CSRNP3: variants seen among roughly 807,000 people sequenced by gnomAD.
CSRNP3 encodes the protein cysteine and serine rich nuclear protein 3, also known as cysteine/serine-rich nuclear protein 3.
In CSRNP3, 12 loss-of-function variants were observed where a neutral mutation model predicts 48.0. The observed-to-expected ratio is 0.25, with a 90% CI of 0.16 to 0.41. The LOEUF (loss-of-function observed/expected upper bound fraction) is 0.41, where lower values mean the gene tolerates loss of function less well. Among genes scored for constraint, CSRNP3 ranks in the 10% least tolerant of loss-of-function variants. CSRNP3 has a pLI of 1.00. For synonymous variants in CSRNP3, 263 were observed against 269.7 expected (o/e 0.98, Z 0.24); for missense variants, 580 against 724.4 (o/e 0.80, Z 2.29).
At chr2:165,643,560 T>C (rs1313154823) in intron 4 of CSRNP3, among the ~76,000 whole-genome samples, 5 of 152,202 alleles carry the variant, frequency 3.3e-5, no homozygotes, top group Non-Finnish European at 5.9e-5. Context: ...TTCTTTGTTT[T>C]TGACCCCGGA....
intron 3 of CSRNP3, among the ~76,000 whole-genome samples, chr2:165,522,799 C>T (rs1684680716): frequency 1.3e-5 from 2 of 152,066 alleles, no homozygotes; most frequent in Admixed American, 6.5e-5. Context: ...CACAGCTCTC[C>T]AGCCACTCCT....
intron 3 of CSRNP3, among the ~76,000 whole-genome samples, chr2:165,543,355 G>A (rs1029578567): frequency 3.3e-5 from 5 of 151,770 alleles, no homozygotes; most frequent in Non-Finnish European, 7.4e-5. Flanking sequence ...CATTTAGCTA[G>A]TAAAGACAGA....
In CSRNP3 at chr2:165,682,090, C is replaced by G. The variant is rs1353833594; in HGVS notation, c.*2337C>G. 6.6e-6 allele frequency: 1 copy of G among 151,910 alleles called. No individual in the cohort carries two copies. Among genetic ancestry groups the G allele is most frequent in the African/African-American group, 2.4e-5 (1 of 41,374 alleles). 9.4% of individuals were successfully genotyped at this position (151,910 alleles called of 1,614,324 possible). On this transcript the variant is annotated 3_prime_UTR_variant, in exon 7 of 7. Transcript: ENST00000651982. Reference sequence around the variant, plus strand: ...GTGTGGGAGAGTGGGGAAGAGCCAGCTCCAGCCTGAGCAAAGCTGAAGGGT... The same window carrying G: ...GTGTGGGAGAGTGGGGAAGAGCCAGGTCCAGCCTGAGCAAAGCTGAAGGGT...
At chr2:165,576,145 A>G (rs988895205) in intron 3 of CSRNP3, among the ~76,000 whole-genome samples, 23 of 150,858 alleles carry the variant, frequency 1.5e-4, no homozygotes, top group African/African-American at 5.6e-4. Flanking sequence ...ATATATATAC[A>G]CACACATATG....
At chr2:165,667,348 A>G (rs1687252134) in intron 5 of CSRNP3, among the ~76,000 whole-genome samples, 1 of 152,244 alleles carries the variant, frequency 6.6e-6, no homozygotes, top group Non-Finnish European at 1.5e-5. Flanking sequence ...TAGTAAACTT[A>G]GGCAATAGTC....
chr2:165,585,872 G>T (rs938252045), intron 3 of CSRNP3, among the ~76,000 whole-genome samples: 1 of 152,100 alleles, frequency 6.6e-6, no homozygotes, highest in African/African-American at 2.4e-5. Flanking sequence ...TACAAAATCA[G>T]CAATGCAAAG....
At chr2:165,554,700 C>T (rs550379104) in intron 3 of CSRNP3, among the ~76,000 whole-genome samples, 21 of 152,218 alleles carry the variant, frequency 1.4e-4, no homozygotes, top group Non-Finnish European at 2.6e-4. Context: ...ATCTATTATC[C>T]GGAAGTTTGG....
intron 3 of CSRNP3, among the ~76,000 whole-genome samples, chr2:165,594,433 G>A (rs1179912183): frequency 6.6e-6 from 1 of 152,098 alleles, no homozygotes. Flanking sequence ...TCTACCCATA[G>A]GCCTTTCAAT....
chr2:165,652,022 CATT>C (rs1454058167), intron 4 of CSRNP3, among the ~76,000 whole-genome samples: 2 of 152,060 alleles, frequency 1.3e-5, no homozygotes, highest in Non-Finnish European at 2.9e-5. Flanking sequence ...TGTGTTTATT[CATT>C]TAATTTATAA....
rs1251379505 is a variant in CSRNP3 at position 165,669,147 on chromosome 2, GT to G, written c.409-7164del. ...TTATAATATGCAGTAATCAGTGTCT[GT>G]GAAGTTGAATTAGTTTTTCACATTC... On this transcript the variant is annotated intron_variant, in intron 5 of 6. Coordinates refer to ENST00000651982, the MANE Select transcript of CSRNP3 (RefSeq NM_001172173.2). 2.6e-5 allele frequency among the ~76,000 whole-genome samples: 4 copies of G among 152,154 alleles called. No homozygotes were observed. In the East Asian group the frequency reaches 5.8e-4, roughly 22 times the overall value.
At chr2:165,625,913 C>CA (rs71028496) in intron 4 of CSRNP3, among the ~76,000 whole-genome samples, 46,362 of 122,962 alleles carry the variant, frequency 0.38, 8,515 homozygotes, top group Admixed American at 0.48. Flanking sequence ...AACTCCATCT[C>CA]AAAAAAAAAA....
At chr2:165,675,688 T>C (rs984994646) in intron 5 of CSRNP3, among the ~76,000 whole-genome samples, 2 of 152,062 alleles carry the variant, frequency 1.3e-5, no homozygotes, top group Non-Finnish European at 2.9e-5. Context: ...TTGAGGGCCC[T>C]GCCCTCTGTT....
intron 3 of CSRNP3, among the ~76,000 whole-genome samples, chr2:165,535,259 G>A (rs1684866390): frequency 6.6e-6 from 1 of 150,470 alleles, no homozygotes; most frequent in South Asian, 2.1e-4. Flanking sequence ...AATATTTGGA[G>A]CTTCATGAAA....
At chr2:165,524,559 A>C (rs558007101) in intron 3 of CSRNP3, among the ~76,000 whole-genome samples, 111 of 152,286 alleles carry the variant, frequency 7.3e-4, no homozygotes, top group Middle Eastern at 6.8e-3. Context: ...GCAACAATCA[A>C]ATTACAGAAC....
At chr2:165,504,025 A>G (rs1451809085) in intron 2 of CSRNP3, among the ~76,000 whole-genome samples, 2 of 151,968 alleles carry the variant, frequency 1.3e-5, no homozygotes, top group African/African-American at 4.8e-5. Context: ...TAAAATGAAA[A>G]ATATTCTTCC....
At chr2:165,609,046 G>C (rs1686083451) in intron 4 of CSRNP3, among the ~76,000 whole-genome samples, 1 of 150,798 alleles carries the variant, frequency 6.6e-6, no homozygotes, top group Non-Finnish European at 1.5e-5. Context: ...GGCAGAGCTT[G>C]CAGTGAGCTG....
At chr2:165,618,474 C>T (rs967664529) in intron 4 of CSRNP3, among the ~76,000 whole-genome samples, 4 of 152,184 alleles carry the variant, frequency 2.6e-5, no homozygotes, top group Non-Finnish European at 5.9e-5. Flanking sequence ...ATACAGACTA[C>T]CCAAATAGTA....
chr2:165,489,330 A>G (rs2105455574), intron 1 of CSRNP3, among the ~76,000 whole-genome samples: 1 of 144,134 alleles, frequency 6.9e-6, no homozygotes, highest in East Asian at 2.1e-4. Context: ...AAAAGAGTCC[A>G]GGACCAGATG....
At chr2:165,658,647 A>G (rs1274006241) in intron 5 of CSRNP3, among the ~76,000 whole-genome samples, 8 of 152,208 alleles carry the variant, frequency 5.3e-5, no homozygotes, top group Non-Finnish European at 1.5e-5. Context: ...TAATGAACTC[A>G]GTTCCATATG....
Sources: gnomAD v4.1 joint callset for allele counts (sites outside exome capture counted in the v4.1 genomes callset) on GRCh38, gnomAD v4.1.1 for gene constraint, MANE v1.5 for transcripts, NCBI Gene and HGNC (gene_info 2026-07-23, HGNC 2026-07-21) for gene names.